The following PATL1 variants were observed in gnomAD, a reference collection of about 807,000 sequenced individuals.
PATL1 encodes the protein protein PAT1 homolog 1.
In PATL1, 32 loss-of-function variants were observed where a neutral mutation model predicts 100.6. The ratio of observed to expected loss-of-function variants is 0.32; its 90% CI spans 0.24 to 0.43. The LOEUF (loss-of-function observed/expected upper bound fraction) is 0.43. PATL1 is among the 20% of genes least tolerant of loss of function. The pLI is 1.00. For synonymous variants in PATL1, 332 were observed against 330.0 expected, an observed-to-expected ratio of 1.01 and a Z score of -0.07; for missense variants, 747 against 949.9, an observed-to-expected ratio of 0.79 and a Z score of 2.81.
chr11:59,641,501 C>T (rs1033125737), intron 16 of PATL1, among the ~76,000 whole-genome samples: 2 of 152,074 alleles, frequency 1.3e-5, no homozygotes, highest in South Asian at 4.2e-4. Context: ...ACCTGTAATC[C>T]CAACACTTTG....
At chr11:59,652,353 C>T (rs539174350) in intron 11 of PATL1, 111 bp downstream of exon 11, 1 of 1,412,016 alleles carries the variant, frequency 7.1e-7, no homozygotes, top group Non-Finnish European at 9.4e-7. Context: ...TTTAAAATCA[C>T]TTTGAAACAT....
chr11:59,645,074 T>G (rs560024208), intron 15 of PATL1, among the ~76,000 whole-genome samples: 5 of 144,518 alleles, frequency 3.5e-5, no homozygotes, highest in South Asian at 2.3e-4. Context: ...ACAGCACATG[T>G]TTCAGAGAGC....
rs1279869574 is a variant in PATL1, at chr11:59,655,706, G to A, written c.848C>T (p.Ala283Val). 2 of 1,602,380 alleles carry A rather than the reference G, an allele frequency of 1.2e-6. No individual in the cohort carries two copies. Among genetic ancestry groups the A allele is most frequent in the Admixed American group, 1.7e-5 (1 of 58,148 alleles). Reference protein sequence around the residue: ...QPGRMSPSQFARVPGFVGSPL... With the variant: ...QPGRMSPSQFVRVPGFVGSPL... The stretch of plus-strand genomic sequence containing the variant: ...ACTACCAACAAATCCAGGGACCCGT[G>A]CAAACTGGCTGGGAGACATCCGTCC... The change falls in exon 8 of 19, where the codon GCA (alanine) becomes GTA (valine). Residue 283 changes from alanine to valine, a missense_variant. This residue lies in a region of PATL1 where 127 missense variants were observed against 116.0 expected (regional missense o/e 1.09). Coordinates refer to ENST00000300146, the MANE Select transcript of PATL1 (RefSeq NM_152716.3).
intron 8 of PATL1, 114 bp from the exon 9 acceptor site, chr11:59,654,186 G>A (rs1861488673): frequency 2.6e-5 from 24 of 912,594 alleles, no homozygotes; most frequent in South Asian, 1.5e-4. Context: ...GACTACAAAA[G>A]TCTATTCGGG....
chr11:59,649,080 T>A (rs567262813), intron 14 of PATL1, among the ~76,000 whole-genome samples: 1 of 152,220 alleles, frequency 6.6e-6, no homozygotes, highest in Non-Finnish European at 1.5e-5. Context: ...TATAAATGTT[T>A]GTACATCTGA....
rs1044896191 is a variant in PATL1, at chr11:59,638,266, G to A, written c.*124C>T. ...GAGACAACCCCTGTAAACAGGAATCGATCCCACAAGACTTTGCTTTGGGGA... is the reference window on the plus strand; with the variant it reads ...GAGACAACCCCTGTAAACAGGAATCAATCCCACAAGACTTTGCTTTGGGGA... On this transcript the variant is annotated 3_prime_UTR_variant, in exon 19 of 19. Transcript: ENST00000300146. 1.6e-5 allele frequency: 15 copies of A among 937,840 alleles called. No individual in the cohort carries two copies. The highest frequency in any genetic ancestry group is 5.8e-5 in the South Asian group (4 of 69,564). The allele number at this position is 937,840 out of a possible 1,614,324, so 58.1% of individuals were successfully genotyped here.
At chr11:59,651,709 AAAG>A in intron 11 of PATL1, 68 bp from the exon 12 acceptor site, 3 of 1,028,396 alleles carry the variant, frequency 2.9e-6, no homozygotes, top group Non-Finnish European at 4.3e-6. Context: ...GGCAGTGTTC[AAAG>A]AAGATTTTTA....
rs764533050 is a variant in PATL1, at chr11:59,649,452, C to T, written c.1733+10G>A. 28 of 1,611,884 alleles carry T rather than the reference C, an allele frequency of 1.7e-5. 1 individual carries two copies. Among genetic ancestry groups the T allele is most frequent in the South Asian group, 1.4e-4 (13 of 90,794 alleles). ...CAGTTAATGTTTTCCTCAAACTGCA[C>T]GATGCTTACCTCTCTTGTCCAGGCA... On this transcript the variant is annotated intron_variant, in intron 14 of 18. Transcript: ENST00000300146.
chr11:59,654,082 AC>A lies in PATL1; in HGVS notation c.1032-11del, dbSNP rs1861487120. The A allele has an allele frequency of 6.2e-7, 1 of 1,607,928 alleles. No homozygotes were observed. The highest frequency in any genetic ancestry group is 8.5e-7 in the Non-Finnish European group (1 of 1,174,584). On this transcript the variant is annotated splice_polypyrimidine_tract_variant and intron_variant, in intron 8 of 18. Transcript: ENST00000300146. ...CATTGGGGCCTGAGATCTAAGAAAA[AC>A]GGAAAAGAGGTTCTCAGTTTGGTCA...
chr11:59,666,772 T>C (rs1044479642), intron 2 of PATL1, 81 bp downstream of exon 2: 9 of 1,401,862 alleles, frequency 6.4e-6, no homozygotes, highest in African/African-American at 5.9e-5. Flanking sequence ...TTACCCCTAA[T>C]AAGATAAAGC....
At position 59,639,209 on chromosome 11, in the gene PATL1, G is replaced by A. The variant is rs1223943800; in HGVS notation, c.2142-12C>T. The A allele has an allele frequency of 1.9e-6, 3 of 1,612,496 alleles. No homozygotes were observed. In the Admixed American group the frequency reaches 5.0e-5, roughly 27 times the overall value. On this transcript the variant is annotated splice_polypyrimidine_tract_variant and intron_variant, in intron 17 of 18. Transcript: ENST00000300146. ...ACATCACCTCCGTCCTGACAGGGAA[G>A]ACCCATAATAATATCAGGAGAAAAA...
In PATL1 at chr11:59,659,420, C is replaced by T. The variant is rs1590703216; in HGVS notation, c.177G>A (p.Lys59=). The change falls in exon 3 of 19, where the codon AAG becomes AAA. Residue 59 remains lysine, a synonymous_variant. Transcript: ENST00000300146. ...TTTGTTCATTAACTGCCACTGGTAG[C>T]TTTTCTTCCAATTCAGCCAGGCGCT... ...AHERLAELEE[K]LPVAVNEQTG... The T allele has an allele frequency of 3.2e-6, 5 of 1,551,338 alleles. No homozygotes were observed. Among genetic ancestry groups the T allele is most frequent in the Non-Finnish European group, 4.4e-6 (5 of 1,146,932 alleles).
At chr11:59,646,364 T>C (rs1226675139) in intron 15 of PATL1, among the ~76,000 whole-genome samples, 1 of 152,060 alleles carries the variant, frequency 6.6e-6, no homozygotes, top group Non-Finnish European at 1.5e-5. Context: ...TTCTCTATTT[T>C]TAGTAGGGAC....
At chr11:59,665,526 C>T (rs1016340818) in intron 2 of PATL1, among the ~76,000 whole-genome samples, 6 of 152,188 alleles carry the variant, frequency 3.9e-5, no homozygotes, top group African/African-American at 1.2e-4. Flanking sequence ...TTTGGCCAGG[C>T]GTGGTGGCTT....
rs758728288 is a variant in PATL1 at position 59,658,856 on chromosome 11, T to G, written c.426+10A>C. 5.2e-6 allele frequency: 8 copies of G among 1,538,342 alleles called. No homozygotes were observed. The East Asian group carries it at 7.4e-5, about 14-fold the overall frequency. ...TTATAAATTTTATGTAAAGAGAAAA[T>G]ATTTAATACCTGAGCAAGCAGTGGT... On this transcript the variant is annotated intron_variant, in intron 4 of 18. Transcript: ENST00000300146.
At chr11:59,658,746 A>G (rs755702097) in intron 4 of PATL1, 120 bp downstream of exon 4, 5 of 706,098 alleles carry the variant, frequency 7.1e-6, no homozygotes, top group East Asian at 2.7e-5. Flanking sequence ...TGGATGCAGT[A>G]GTCGACATAA....
At chr11:59,650,715 G>A (rs376823579) in intron 13 of PATL1, 39 bp downstream of exon 13, 229 of 1,405,634 alleles carry the variant, frequency 1.6e-4, no homozygotes, top group African/African-American at 2.4e-4. Context: ...TGACAGTTCC[G>A]TATTTGAAAC....
At chr11:59,656,469 C>G (rs535776907) in intron 6 of PATL1, 30 bp downstream of exon 6, 1 of 1,555,478 alleles carries the variant, frequency 6.4e-7, no homozygotes, top group East Asian at 2.2e-5. Flanking sequence ...ATACATACTG[C>G]ACATTTTTGT....
At chr11:59,655,196 T>C (rs1433913375) in intron 8 of PATL1, among the ~76,000 whole-genome samples, 1 of 152,184 alleles carries the variant, frequency 6.6e-6, no homozygotes, top group Non-Finnish European at 1.5e-5. Context: ...CAATATGATA[T>C]GTAATAAAAC....
Sources: allele counts gnomAD v4.1 joint callset (sites outside exome capture counted in the v4.1 genomes callset), GRCh38; gene constraint gnomAD v4.1.1; regional missense constraint gnomAD v4.1.1; transcripts MANE v1.5; gene names NCBI Gene and HGNC (gene_info 2026-07-23, HGNC 2026-07-21).